Variants in RASGRP3 observed in about 807,000 individuals in gnomAD.
RASGRP3 encodes ras guanyl-releasing protein 3.
RASGRP3 carries 54 observed loss-of-function variants against 82.7 expected under a neutral mutation model. That is an observed-to-expected ratio of 0.65 (90% CI 0.52 to 0.82). The LOEUF (loss-of-function observed/expected upper bound fraction) is 0.82, where lower values mean the gene tolerates loss of function less well. Among genes scored for constraint, RASGRP3 ranks in the 40% least tolerant of loss-of-function variants. The pLI is 0.00. For missense variants in RASGRP3, 861 were observed against 828.9 expected (o/e 1.04, Z -0.48); for synonymous variants, 309 against 300.5 (o/e 1.03, Z -0.29).
At chr2:33,527,002 A>G (rs1382765142) in intron 9 of RASGRP3, 135 bp from the exon 10 acceptor site, 5 of 921,948 alleles carry the variant, frequency 5.4e-6, no homozygotes, top group African/African-American at 3.4e-5. Flanking sequence ...CCTGATTCAT[A>G]TTTCCCTGCA....
At chr2:33,517,289 A>G (rs1234764674) in intron 4 of RASGRP3, among the ~76,000 whole-genome samples, 1 of 152,224 alleles carries the variant, frequency 6.6e-6, no homozygotes, top group Admixed American at 6.5e-5. Context: ...AAGCCAAATG[A>G]CTGAAAATGC....
At chr2:33,519,701 G>A (rs1454509414) in intron 4 of RASGRP3, among the ~76,000 whole-genome samples, 1 of 152,208 alleles carries the variant, frequency 6.6e-6, no homozygotes, top group East Asian at 1.9e-4. Context: ...GTTAATAAGT[G>A]TGGAGGAAGG....
At chr2:33,486,419 C>T (rs748236412) in intron 1 of RASGRP3, among the ~76,000 whole-genome samples, 14 of 152,194 alleles carry the variant, frequency 9.2e-5, no homozygotes, top group African/African-American at 3.4e-4. Context: ...CTGCCCACCT[C>T]GGCCTCCCAA....
chr2:33,499,955 T>A (rs1669711712), intron 1 of RASGRP3, among the ~76,000 whole-genome samples: 1 of 152,078 alleles, frequency 6.6e-6, no homozygotes, highest in African/African-American at 2.4e-5. Flanking sequence ...GACAGAACCA[T>A]TCAGTAACAT....
chr2:33,554,205 C>A (rs1472021683), intron 14 of RASGRP3, among the ~76,000 whole-genome samples: 1 of 152,144 alleles, frequency 6.6e-6, no homozygotes, highest in African/African-American at 2.4e-5. Context: ...TCTGGAAGAG[C>A]GGGCCATGCT....
At chr2:33,497,690 A>G (rs1304234779) in intron 1 of RASGRP3, among the ~76,000 whole-genome samples, 1 of 152,206 alleles carries the variant, frequency 6.6e-6, no homozygotes, top group Non-Finnish European at 1.5e-5. Context: ...TTGCAGGAAG[A>G]TATGTGTCTT....
At chr2:33,506,362 A>G (rs1473614852) in intron 1 of RASGRP3, among the ~76,000 whole-genome samples, 1 of 152,222 alleles carries the variant, frequency 6.6e-6, no homozygotes, top group Admixed American at 6.5e-5. Flanking sequence ...TTGCAACTTA[A>G]CTAGTAACAT....
intron 17 of RASGRP3, among the ~76,000 whole-genome samples, chr2:33,560,714 G>T (rs1482303647): frequency 2.0e-5 from 3 of 152,242 alleles, no homozygotes; most frequent in Non-Finnish European, 4.4e-5. Context: ...GCTTCTCCAG[G>T]TAGATGGTAG....
chr2:33,537,106 G>A (rs1673689918), intron 11 of RASGRP3, among the ~76,000 whole-genome samples: 1 of 151,902 alleles, frequency 6.6e-6, no homozygotes, highest in African/African-American at 2.4e-5. Context: ...TGACAGAGGT[G>A]GCTCTTAGCA....
At chr2:33,449,246 G>T (rs1170119960) in intron 2 of RASGRP3, among the ~76,000 whole-genome samples, 2 of 152,208 alleles carry the variant, frequency 1.3e-5, no homozygotes, top group Non-Finnish European at 2.9e-5. Context: ...GTGAATGAAT[G>T]AAAGTATTAA....
intron 1 of RASGRP3, among the ~76,000 whole-genome samples, chr2:33,493,873 T>C (rs746040282): frequency 6.6e-6 from 1 of 152,170 alleles, no homozygotes; most frequent in Non-Finnish European, 1.5e-5. Context: ...TGACTGGTGA[T>C]AGCATATAGC....
chr2:33,449,213 C>A (rs1000692462), intron 2 of RASGRP3, among the ~76,000 whole-genome samples: 6 of 152,194 alleles, frequency 3.9e-5, no homozygotes, highest in African/African-American at 1.4e-4. Flanking sequence ...ATGACACATA[C>A]CAACTTCCTA....
intron 2 of RASGRP3, among the ~76,000 whole-genome samples, chr2:33,452,693 C>G (rs1040175476): frequency 6.6e-6 from 1 of 152,210 alleles, no homozygotes; most frequent in Non-Finnish European, 1.5e-5. Context: ...AGCCTGGTTA[C>G]TGGGACTTGC....
chr2:33,457,030 G>A (rs1378828393), intron 2 of RASGRP3, among the ~76,000 whole-genome samples: 1 of 150,746 alleles, frequency 6.6e-6, no homozygotes, highest in African/African-American at 2.4e-5. Flanking sequence ...AGCCTCCCAA[G>A]TAGCTGAGAT....
In RASGRP3 at chr2:33,452,619, C is replaced by A. The variant is rs149713524; in HGVS notation, c.-261+4676C>A. Among the ~76,000 whole-genome samples, 263 of 152,230 alleles carry A rather than the reference C, an allele frequency of 1.7e-3. 1 individual carries two copies. The highest frequency in any genetic ancestry group is 4.9e-3 in the African/African-American group (202 of 41,542). On this transcript the variant is annotated intron_variant, in intron 2 of 18. Coordinates refer to the RASGRP3 transcript ENST00000402538. ...TCCTGTCCATGAGATGGACCTTGAG[C>A]CTGAGTTCATAGAGGCCCACTTTGT...
At chr2:33,484,134 T>G (rs1223196022) in intron 1 of RASGRP3, among the ~76,000 whole-genome samples, 1 of 152,220 alleles carries the variant, frequency 6.6e-6, no homozygotes, top group Admixed American at 6.5e-5. Flanking sequence ...AAATTAACTT[T>G]GGGAAGATAC....
At chr2:33,444,494 G>A (rs950326003) in intron 1 of RASGRP3, among the ~76,000 whole-genome samples, 3 of 152,136 alleles carry the variant, frequency 2.0e-5, no homozygotes, top group African/African-American at 4.8e-5. Context: ...CAAGTTGATA[G>A]CTTCAGGTGC....
rs1676956268 is a variant in RASGRP3 at position 33,563,826 on chromosome 2, A to G, written c.*1089A>G. On this transcript the variant is annotated 3_prime_UTR_variant, in exon 18 of 18. Transcript: ENST00000403687. ...ATTAACATTTCATTTAAGCTTTTAA[A>G]ATATCAATTTTTTAAATAGCTCCCA... 1 of 152,212 alleles carries G rather than the reference A, an allele frequency of 6.6e-6. No individual in the cohort carries two copies. The highest frequency in any genetic ancestry group is 2.4e-5 in the African/African-American group (1 of 41,458). The allele number at this position is 152,212 out of a possible 1,614,324, so 9.4% of individuals were successfully genotyped here.
chr2:33,529,338 C>CA (rs1012503739), intron 10 of RASGRP3, among the ~76,000 whole-genome samples: 3 of 151,132 alleles, frequency 2.0e-5, no homozygotes, highest in African/African-American at 7.3e-5. Context: ...ACTAAAAATA[C>CA]AAAAAAATTA....
Sources: allele counts gnomAD v4.1 joint callset (sites outside exome capture counted in the v4.1 genomes callset), GRCh38; gene constraint gnomAD v4.1.1; transcripts MANE v1.5; gene names NCBI Gene and HGNC (gene_info 2026-07-23, HGNC 2026-07-21).